The following BARHL1 variants were observed in gnomAD, a reference collection of about 807,000 sequenced individuals.
The protein encoded by BARHL1 is barH-like 1 homeobox protein.
A neutral mutation model predicts 20.1 loss-of-function variants in BARHL1; 2 were observed. The ratio of observed to expected loss-of-function variants is 0.10; its 90% CI spans 0.04 to 0.31. BARHL1 has a LOEUF of 0.31. Among genes scored for constraint, BARHL1 ranks in the 10% least tolerant of loss-of-function variants. The pLI, the probability that BARHL1 is intolerant of heterozygous loss-of-function variation, is 1.00. For synonymous variants in BARHL1, 213 were observed against 209.9 expected (o/e 1.01, Z -0.13); for missense variants, 397 against 454.0 (o/e 0.87, Z 1.14).
chr9:132,584,662 A>C (rs1016086889), intron 1 of BARHL1, among the ~76,000 whole-genome samples: 1 of 152,148 alleles, frequency 6.6e-6, no homozygotes, highest in Non-Finnish European at 1.5e-5. Flanking sequence ...GATTTCCCCC[A>C]CACAAATGGC....
rs896246788 is a variant in BARHL1 at position 132,589,605 on chromosome 9, C to A, written c.*83C>A. The A allele has an allele frequency of 3.2e-6, 4 of 1,233,972 alleles. No homozygotes were observed. Among genetic ancestry groups the A allele is most frequent in the Non-Finnish European group, 4.0e-6 (4 of 992,298 alleles). 76.4% of individuals were successfully genotyped at this position (1,233,972 alleles called of 1,614,324 possible). On this transcript the variant is annotated 3_prime_UTR_variant, in exon 3 of 3. Transcript: ENST00000263610. ...CCTTTCTGAGGGCGCAGGTTCGACG[C>A]CCTTTCCCGGGAGGGGGCCCTGCCC...
chr9:132,590,208 G>C lies in BARHL1; in HGVS notation c.*686G>C, dbSNP rs1032371153. 14 of 149,102 alleles carry C rather than the reference G, an allele frequency of 9.4e-5. No individual in the cohort carries two copies. The highest frequency in any genetic ancestry group is 3.5e-4 in the African/African-American group (14 of 40,550). The allele number at this position is 149,102 out of a possible 1,614,324, so 9.2% of individuals were successfully genotyped here. A position where few individuals can be genotyped will look rare whatever the true frequency, so the allele number is the denominator to read the frequency against. ...CGGTCCGGGGGCAGCCAGGCCTCTC[G>C]GGTTCTCTCTTTTTTAAATGTCGAA... On this transcript the variant is annotated 3_prime_UTR_variant, in exon 3 of 3. Coordinates refer to ENST00000263610, the MANE Select transcript of BARHL1 (RefSeq NM_020064.4).
intron 1 of BARHL1, among the ~76,000 whole-genome samples, chr9:132,586,106 G>T (rs769758194): frequency 1.1e-4 from 16 of 152,218 alleles, no homozygotes; most frequent in Non-Finnish European, 2.2e-4. Flanking sequence ...CACTCTCCTG[G>T]CTCACCAGGC....
In BARHL1 at chr9:132,587,486, C is replaced by G. The variant is rs2119134917; in HGVS notation, c.624C>G (p.Arg208=). Residue 208 remains arginine, a synonymous_variant, in exon 2 of 3, where the codon CGC becomes CGG. Coordinates refer to ENST00000263610, the MANE Select transcript of BARHL1 (RefSeq NM_020064.4). This position sits in a 1 kb window ranked among gnomAD's most constrained non-coding sequence, Gnocchi z 5.5. The part of the protein sequence containing the change: ...ERQKYLSVQD[R]MELAASLNLT... ...AGAAGTACCTGAGCGTGCAGGACCG[C>G]ATGGAGCTCGCCGCCTCGCTCAACC... 6.2e-7 allele frequency: 1 copy of G among 1,612,692 alleles called. No individual in the cohort carries two copies.
At position 132,587,850 on chromosome 9, in the gene BARHL1, G is replaced by A. The variant is rs924358352; in HGVS notation, c.689+299G>A. Among the ~76,000 whole-genome samples, 4 of 152,198 alleles carry A rather than the reference G, an allele frequency of 2.6e-5. No homozygotes were observed. The highest frequency in any genetic ancestry group is 9.6e-5 in the African/African-American group (4 of 41,466). On this transcript the variant is annotated intron_variant, in intron 2 of 2. Coordinates refer to ENST00000263610, the MANE Select transcript of BARHL1 (RefSeq NM_020064.4). This position sits in a 1 kb window ranked among gnomAD's most constrained non-coding sequence, Gnocchi z 5.5. Reference sequence around the variant, plus strand: ...CCTGCCCCAGCTCAGCCGGAGTGGGGGGAGGTCTGCCTGGAGCCCCCACCT... The same window carrying A: ...CCTGCCCCAGCTCAGCCGGAGTGGGAGGAGGTCTGCCTGGAGCCCCCACCT...
In BARHL1 at chr9:132,583,114, A is replaced by T. The variant is rs748468232; in HGVS notation, c.317A>T (p.Lys106Ile). The T allele has an allele frequency of 6.2e-7, 1 of 1,613,752 alleles. No homozygotes were observed. The highest frequency in any genetic ancestry group is 1.1e-5 in the South Asian group (1 of 91,088). Residue 106 changes from lysine (K) to isoleucine (I), a missense_variant, in exon 1 of 3, where the codon AAA becomes ATA. By Grantham distance (102) the Lys-to-Ile change is moderately radical (BLOSUM62 -3). Transcript: ENST00000263610. ...ATCAGGGACATCCTTGCCGACTGCA[A>T]ACCACTCGCGGCCTGTGCACCCTAC... ...FLIRDILADCKPLAACAPYSS... is the reference protein window; with the variant it reads ...FLIRDILADCIPLAACAPYSS...
At position 132,589,294 on chromosome 9, in the gene BARHL1, G is replaced by C. The variant is rs549093104; in HGVS notation, c.756G>C (p.Ala252=). 2.5e-5 allele frequency: 41 copies of C among 1,613,414 alleles called. No homozygotes were observed. The Middle Eastern group carries it at 6.6e-4, about 26-fold the overall frequency. Residue 252 remains alanine (A), a synonymous_variant, in exon 3 of 3, where the codon GCG becomes GCC. Transcript: ENST00000263610. ...ELLAEAGNYS[A]LQRMFPSPYF... ...TGGCGGAGGCAGGCAATTACTCAGC[G>C]CTCCAGCGGATGTTCCCGTCGCCTT...
chr9:132,589,309 C>T lies in BARHL1; in HGVS notation c.771C>T (p.Phe257=). The change falls in exon 3 of 3, where the codon TTC becomes TTT. Residue 257 remains phenylalanine, a synonymous_variant. Transcript: ENST00000263610. ...AGNYSALQRM[F]PSPYFYPQSL... ...ATTACTCAGCGCTCCAGCGGATGTT[C>T]CCGTCGCCTTATTTCTACCCGCAGA... is the stretch of plus-strand genomic sequence containing the variant. 6.2e-7 allele frequency: 1 copy of T among 1,613,538 alleles called. No individual in the cohort carries two copies. Among genetic ancestry groups the T allele is most frequent in the Admixed American group, 1.7e-5 (1 of 60,016 alleles).
At position 132,589,356 on chromosome 9, in the gene BARHL1, C is replaced by G; in HGVS notation, c.818C>G (p.Pro273Arg). 8.1e-6 allele frequency: 13 copies of G among 1,613,378 alleles called. No homozygotes were observed. The highest frequency in any genetic ancestry group is 1.1e-5 in the Non-Finnish European group (13 of 1,179,958). The change falls in exon 3 of 3, where the codon CCC becomes CGC. Residue 273 changes from proline to arginine, a missense_variant. Physicochemically the swap from Pro to Arg is moderately radical, Grantham distance 103. Around this residue, in one of 3 missense-constraint regions of BARHL1, gnomAD observed 121 missense variants for 135.9 expected, o/e 0.89. Coordinates refer to ENST00000263610, the MANE Select transcript of BARHL1 (RefSeq NM_020064.4). ...YPQSLVSNLDPGAALYLYRGP... is the reference protein window; with the variant it reads ...YPQSLVSNLDRGAALYLYRGP... Reference sequence around the variant, plus strand: ...CAGAGTCTGGTTTCCAACCTGGACCCCGGCGCGGCGCTCTACCTGTACCGC... The same window carrying G: ...CAGAGTCTGGTTTCCAACCTGGACCGCGGCGCGGCGCTCTACCTGTACCGC...
chr9:132,583,332 C>T (rs1172720536), intron 1 of BARHL1, 69 bp downstream of exon 1: 7 of 1,384,566 alleles, frequency 5.1e-6, no homozygotes, highest in Non-Finnish European at 4.9e-6. Flanking sequence ...AAAAGGAATA[C>T]ACATGGCGGG....
intron 2 of BARHL1, among the ~76,000 whole-genome samples, chr9:132,588,693 G>A (rs920559380): frequency 1.5e-4 from 23 of 152,268 alleles, no homozygotes; most frequent in Admixed American, 1.3e-3. Flanking sequence ...GTGCGAGCCG[G>A]GAGCGGGTCC....
At position 132,583,154 on chromosome 9, in the gene BARHL1, G is replaced by A. The variant is rs775430801; in HGVS notation, c.357G>A (p.Gln119=). 9 of 1,613,584 alleles carry A rather than the reference G, an allele frequency of 5.6e-6. No homozygotes were observed. The East Asian group carries it at 6.7e-5, about 12-fold the overall frequency. ...AACAPYSSSG[Q]PAAPEPGGRL... ...GTGCACCCTACTCTAGCAGCGGGCA[G>A]CCGGCAGCCCCTGAGCCTGGGGGCC... The change falls in exon 1 of 3, where the codon CAG becomes CAA. Residue 119 remains glutamine, a synonymous_variant. Transcript: ENST00000263610.
At chr9:132,586,245 T>C (rs564607172) in intron 1 of BARHL1, among the ~76,000 whole-genome samples, 12 of 152,292 alleles carry the variant, frequency 7.9e-5, no homozygotes, top group Admixed American at 5.2e-4. Flanking sequence ...CTGAACCCCG[T>C]CACTGCAAAC....
chr9:132,583,485 C>T (rs426051), intron 1 of BARHL1, among the ~76,000 whole-genome samples: 67,153 of 152,050 alleles, frequency 0.44, 16,883 homozygotes, highest in African/African-American at 0.69. Context: ...AGGGATACTG[C>T]GTGCCCGAGA....
chr9:132,586,782 C>T (rs1488385131), intron 1 of BARHL1, among the ~76,000 whole-genome samples: 1 of 152,256 alleles, frequency 6.6e-6, no homozygotes, highest in African/African-American at 2.4e-5. Flanking sequence ...CAACGCCAGG[C>T]GGGGCACAAT....
In BARHL1 at chr9:132,587,184, C is replaced by G; in HGVS notation, c.467-145C>G. On this transcript the variant is annotated intron_variant, in intron 1 of 2. Transcript: ENST00000263610. This position sits in a 1 kb window ranked among gnomAD's most constrained non-coding sequence, Gnocchi z 5.5. ...GTCCTGTTCCCGGGGCCCCAGAGGT[C>G]CCGTCTGAGAGCGGCCCCCGCGAGC... 1.2e-6 allele frequency: 1 copy of G among 800,980 alleles called. No homozygotes were observed. The highest frequency in any genetic ancestry group is 2.0e-6 in the Non-Finnish European group (1 of 507,288). The allele number at this position is 800,980 out of a possible 1,614,324, so 49.6% of individuals were successfully genotyped here.
intron 1 of BARHL1, among the ~76,000 whole-genome samples, chr9:132,586,823 G>T (rs1830149353): frequency 6.6e-6 from 1 of 152,220 alleles, no homozygotes; most frequent in Non-Finnish European, 1.5e-5. Flanking sequence ...GAGTGATTCC[G>T]GAGAGAGCAG....
In BARHL1 at chr9:132,589,350, T is replaced by A. The variant is rs762296297; in HGVS notation, c.812T>A (p.Leu271Gln). ...TACCCGCAGAGTCTGGTTTCCAACC[T>A]GGACCCCGGCGCGGCGCTCTACCTG... The part of the protein sequence containing the change: ...YFYPQSLVSN[L>Q]DPGAALYLYR... The change falls in exon 3 of 3, where the codon CTG becomes CAG. Residue 271 changes from leucine to glutamine, a missense_variant. By Grantham distance (113) the Leu-to-Gln change is moderately radical. Transcript: ENST00000263610. The A allele has an allele frequency of 1.2e-5, 20 of 1,613,412 alleles. No homozygotes were observed. Among genetic ancestry groups the A allele is most frequent in the Non-Finnish European group, 1.7e-5 (20 of 1,179,972 alleles).
chr9:132,587,271 C>A lies in BARHL1; in HGVS notation c.467-58C>A. 1 of 1,463,322 alleles carries A rather than the reference C, an allele frequency of 6.8e-7. No homozygotes were observed. Among genetic ancestry groups the A allele is most frequent in the Non-Finnish European group, 9.3e-7 (1 of 1,076,260 alleles). 90.6% of individuals were successfully genotyped at this position (1,463,322 alleles called of 1,614,324 possible). On this transcript the variant is annotated intron_variant, in intron 1 of 2. Coordinates refer to ENST00000263610, the MANE Select transcript of BARHL1 (RefSeq NM_020064.4). The surrounding 1 kb of genome is among the most constrained non-coding windows in gnomAD (Gnocchi z 5.5). ...GTTACACAAACGCCACGGGCAGGAG[C>A]GGGAGGGCACCGGCGGCGGCTGCGA...
Sources: gnomAD v4.1 joint callset for allele counts (sites outside exome capture counted in the v4.1 genomes callset) on GRCh38, gnomAD v4.1.1 for gene constraint, gnomAD v4.1.1 regional missense constraint, Gnocchi (gnomAD v3.1) non-coding constraint, MANE v1.5 for transcripts, NCBI Gene and HGNC (gene_info 2026-07-23, HGNC 2026-07-21) for gene names.